Variants in CATSPERT observed in about 807,000 individuals in gnomAD.
CATSPERT encodes catsper channel auxiliary subunit tau, also known as cation channel sperm-associated targeting subunit tau.
At chr2:201,492,938 C>T in the CATSPERT span, 1 of 1,536,472 alleles carries the variant, frequency 6.5e-7, no homozygotes, top group Non-Finnish European at 8.7e-7. Flanking sequence ...TCTAGAAACA[C>T]ACGCAACTTT....
the CATSPERT span, among the ~76,000 whole-genome samples, chr2:201,581,240 T>C: frequency 6.6e-6 from 1 of 151,154 alleles, no homozygotes; most frequent in Non-Finnish European, 1.5e-5. Flanking sequence ...ACCCTGTCTC[T>C]ACTAAAAACA....
chr2:201,495,155 A>C, the CATSPERT span, among the ~76,000 whole-genome samples: 4 of 151,680 alleles, frequency 2.6e-5, no homozygotes, highest in African/African-American at 9.7e-5. Flanking sequence ...CAATGTAGGA[A>C]ATTTTTTTTT....
the CATSPERT span, among the ~76,000 whole-genome samples, chr2:201,513,217 T>C: frequency 8.6e-5 from 13 of 151,794 alleles, no homozygotes; most frequent in Middle Eastern, 3.4e-3. Flanking sequence ...CCACAACCTA[T>C]AAGGAATGTA....
At chr2:201,596,373 G>A in the CATSPERT span, among the ~76,000 whole-genome samples, 1 of 152,148 alleles carries the variant, frequency 6.6e-6, no homozygotes, top group Non-Finnish European at 1.5e-5. Context: ...GGAGCTAAAT[G>A]ATTAGAACAC....
At chr2:201,492,555 T>C in the CATSPERT span, 3 of 1,534,758 alleles carry the variant, frequency 2.0e-6, no homozygotes, top group Non-Finnish European at 2.6e-6. Context: ...TTAGAGAAGA[T>C]ATGTTTGGGT....
chr2:201,499,468 G>T, the CATSPERT span, among the ~76,000 whole-genome samples: 1 of 152,086 alleles, frequency 6.6e-6, no homozygotes, highest in African/African-American at 2.4e-5. Context: ...AGAAACCTAA[G>T]GGTTTTTATT....
At chr2:201,580,904 AG>A in the CATSPERT span, among the ~76,000 whole-genome samples, 1 of 152,234 alleles carries the variant, frequency 6.6e-6, no homozygotes, top group South Asian at 2.1e-4. Context: ...CACATGCACA[AG>A]GAAGTCTGTA....
At chr2:201,585,921 A>G in the CATSPERT span, among the ~76,000 whole-genome samples, 1 of 152,076 alleles carries the variant, frequency 6.6e-6, no homozygotes, top group Non-Finnish European at 1.5e-5. Flanking sequence ...AGTTAGACCC[A>G]ATGTGCCTGC....
chr2:201,494,032 A>T, the CATSPERT span: 1 of 1,535,812 alleles, frequency 6.5e-7, no homozygotes, highest in Non-Finnish European at 8.7e-7. Flanking sequence ...ATCTGCAGGA[A>T]TATTTTCAAT....
At chr2:201,587,943 C>T in the CATSPERT span, among the ~76,000 whole-genome samples, 2 of 152,030 alleles carry the variant, frequency 1.3e-5, no homozygotes. Flanking sequence ...AAGACTGAAC[C>T]AGGAAGAAAC....
At chr2:201,609,105 T>C in the CATSPERT span, among the ~76,000 whole-genome samples, 20 of 152,276 alleles carry the variant, frequency 1.3e-4, no homozygotes, top group African/African-American at 4.3e-4. Context: ...CATTAGGTCA[T>C]TATATAATGA....
At chr2:201,618,362 T>G in the CATSPERT span, among the ~76,000 whole-genome samples, 1 of 152,094 alleles carries the variant, frequency 6.6e-6, no homozygotes, top group Non-Finnish European at 1.5e-5. Context: ...ATATACACCA[T>G]GGAATACTAT....
chr2:201,593,002 G>C, the CATSPERT span, among the ~76,000 whole-genome samples: 4 of 152,018 alleles, frequency 2.6e-5, no homozygotes, highest in East Asian at 7.7e-4. Context: ...TCTGATTTTA[G>C]TTATTTCTTG....
At chr2:201,518,515 GGTAGATGA>G in the CATSPERT span, among the ~76,000 whole-genome samples, 2 of 152,298 alleles carry the variant, frequency 1.3e-5, no homozygotes, top group East Asian at 3.9e-4. Flanking sequence ...GGTGGAAAAT[GGTAGATGA>G]GTAGGTATCC....
the CATSPERT span, among the ~76,000 whole-genome samples, chr2:201,517,319 C>T: frequency 1.3e-5 from 2 of 152,116 alleles, no homozygotes; most frequent in African/African-American, 4.8e-5. Flanking sequence ...AGCCATTTCC[C>T]CTCCCCAACC....
the CATSPERT span, among the ~76,000 whole-genome samples, chr2:201,618,620 A>T: frequency 2.0e-5 from 3 of 151,820 alleles, no homozygotes; most frequent in African/African-American, 7.3e-5. Context: ...ATGACGAGTT[A>T]ATGGGTGCAG....
the CATSPERT span, among the ~76,000 whole-genome samples, chr2:201,513,814 T>C: frequency 1.3e-5 from 2 of 152,106 alleles, no homozygotes; most frequent in East Asian, 1.9e-4. Flanking sequence ...ATATACAAAA[T>C]TGTAGGCTAT....
the CATSPERT span, among the ~76,000 whole-genome samples, chr2:201,527,275 T>G: frequency 2.6e-5 from 4 of 152,164 alleles, no homozygotes; most frequent in South Asian, 8.3e-4. Flanking sequence ...AAACAAATGG[T>G]AAAATATTCC....
the CATSPERT span, among the ~76,000 whole-genome samples, chr2:201,581,925 G>A: frequency 6.6e-6 from 1 of 151,832 alleles, no homozygotes; most frequent in African/African-American, 2.4e-5. Flanking sequence ...GCTATTATAA[G>A]CCAACTCTTT....
Sources: allele counts gnomAD v4.1 joint callset (sites outside exome capture counted in the v4.1 genomes callset), GRCh38; gene constraint gnomAD v4.1.1; transcripts MANE v1.5; gene names NCBI Gene and HGNC (gene_info 2026-07-23, HGNC 2026-07-21).